NALF1: variants seen among roughly 807,000 people sequenced by gnomAD.
NALF1 encodes the protein NALCN channel auxiliary factor 1.
Under a neutral mutation model 48.4 loss-of-function variants are expected in NALF1, and 3 were observed. The observed-to-expected ratio is 0.06, with a 90% CI of 0.03 to 0.16. The LOEUF is 0.16. Ranked by LOEUF, NALF1 falls within the 10% of genes least tolerant of loss-of-function variation. The pLI, the probability that NALF1 is intolerant of heterozygous loss-of-function variation, is 1.00. For synonymous variants in NALF1, 262 were observed against 245.7 expected (o/e 1.07, Z -0.62); for missense variants, 526 against 571.5 (o/e 0.92, Z 0.81).
At chr13:107,464,667 T>C (rs776481582) in intron 1 of NALF1, among the ~76,000 whole-genome samples, 2 of 152,068 alleles carry the variant, frequency 1.3e-5, no homozygotes, top group African/African-American at 2.4e-5. Context: ...ATTACAGGCA[T>C]GAACAGCTAC....
At chr13:107,547,397 A>G (rs868589991) in intron 1 of NALF1, among the ~76,000 whole-genome samples, 10 of 152,216 alleles carry the variant, frequency 6.6e-5, no homozygotes, top group African/African-American at 2.4e-4. Context: ...GGAACTTAAG[A>G]GTCTATAATA....
intron 1 of NALF1, among the ~76,000 whole-genome samples, chr13:107,443,416 T>C (rs1566344676): frequency 6.6e-6 from 1 of 152,072 alleles, no homozygotes; most frequent in Non-Finnish European, 1.5e-5. Context: ...AGATTCTTGC[T>C]ATGTTGGCCA....
intron 1 of NALF1, among the ~76,000 whole-genome samples, chr13:107,695,768 T>A (rs1881686253): frequency 6.6e-6 from 1 of 152,192 alleles, no homozygotes; most frequent in Non-Finnish European, 1.5e-5. Context: ...CTGACACAAT[T>A]AAGCACACCT....
chr13:107,273,410 C>G (rs1228624371), intron 1 of NALF1, among the ~76,000 whole-genome samples: 1 of 152,194 alleles, frequency 6.6e-6, no homozygotes, highest in East Asian at 1.9e-4. Context: ...CATGCTTTTT[C>G]TCTTGTCATT....
chr13:107,236,369 C>T (rs180671444), intron 1 of NALF1, among the ~76,000 whole-genome samples: 19 of 152,184 alleles, frequency 1.2e-4, no homozygotes, highest in Admixed American at 7.2e-4. Flanking sequence ...TCCAGAGTAG[C>T]TGCATTTGGC....
intron 1 of NALF1, among the ~76,000 whole-genome samples, chr13:107,368,564 G>A (rs1021887622): frequency 6.6e-6 from 1 of 152,192 alleles, no homozygotes; most frequent in Non-Finnish European, 1.5e-5. Flanking sequence ...GCGTCCGGTG[G>A]TTGCAGGCAC....
At chr13:107,211,153 ACACGGAGTCC>A (rs1879753177) in intron 1 of NALF1, among the ~76,000 whole-genome samples, 1 of 152,148 alleles carries the variant, frequency 6.6e-6, no homozygotes, top group Non-Finnish European at 1.5e-5. Flanking sequence ...AGTTCCCTCC[ACACGGAGTCC>A]CACGTCTATG....
At chr13:107,233,393 A>C (rs1880268127) in intron 1 of NALF1, among the ~76,000 whole-genome samples, 1 of 152,200 alleles carries the variant, frequency 6.6e-6, no homozygotes, top group Admixed American at 6.5e-5. Flanking sequence ...TACAAGTTAA[A>C]ACAAGAAGCA....
intron 1 of NALF1, among the ~76,000 whole-genome samples, chr13:107,589,803 T>G (rs1259387229): frequency 1.3e-5 from 2 of 152,038 alleles, no homozygotes; most frequent in East Asian, 3.9e-4. Flanking sequence ...TTTTGGAATT[T>G]CCCTTGAGGC....
intron 1 of NALF1, among the ~76,000 whole-genome samples, chr13:107,252,025 C>G (rs369392102): frequency 6.6e-6 from 1 of 152,172 alleles, no homozygotes; most frequent in African/African-American, 2.4e-5. Context: ...GCCCAGCATG[C>G]AGAGGGGGAC....
chr13:107,200,971 C>T (rs1035508015), intron 2 of NALF1, among the ~76,000 whole-genome samples: 3 of 152,088 alleles, frequency 2.0e-5, no homozygotes, highest in Non-Finnish European at 2.9e-5. Flanking sequence ...CCAGGGGGAC[C>T]GAGTGAAAAT....
intron 1 of NALF1, among the ~76,000 whole-genome samples, chr13:107,668,274 T>G (rs1030490635): frequency 6.6e-6 from 1 of 152,230 alleles, no homozygotes; most frequent in Admixed American, 6.5e-5. Context: ...TTCTGAACTT[T>G]CCATCTCAAC....
Position 107,505,851 on chromosome 13 carries a change from A to T in NALF1, c.916-295096T>A, listed in dbSNP as rs1875681497. 2.0e-5 allele frequency among the ~76,000 whole-genome samples: 3 copies of T among 152,300 alleles called. No homozygotes were observed. The South Asian group carries it at 6.2e-4, about 32-fold the overall frequency. On this transcript the variant is annotated intron_variant, in intron 1 of 2. Coordinates refer to ENST00000375915, the MANE Select transcript of NALF1 (RefSeq NM_001080396.3). ...GAATTATTTTAGTCTTATTATCTCC[A>T]TTGTATGTGGAAAAATCTGTTTTCC...
At chr13:107,453,941 C>A (rs898044675) in intron 1 of NALF1, among the ~76,000 whole-genome samples, 1 of 152,174 alleles carries the variant, frequency 6.6e-6, no homozygotes, top group Non-Finnish European at 1.5e-5. Context: ...ATCTCTAGAA[C>A]AAGGGCAAAA....
At chr13:107,385,312 G>A (rs1883508686) in intron 1 of NALF1, among the ~76,000 whole-genome samples, 1 of 152,120 alleles carries the variant, frequency 6.6e-6, no homozygotes, top group East Asian at 1.9e-4. Flanking sequence ...CAGCACTTTG[G>A]GAGGCCGAGG....
At chr13:107,594,341 A>G (rs1671470058) in intron 1 of NALF1, among the ~76,000 whole-genome samples, 1 of 152,118 alleles carries the variant, frequency 6.6e-6, no homozygotes, top group African/African-American at 2.4e-5. Flanking sequence ...TAACACATAA[A>G]TAAATGCTTT....
intron 1 of NALF1, among the ~76,000 whole-genome samples, chr13:107,673,069 A>G (rs920674799): frequency 1.3e-5 from 2 of 152,114 alleles, no homozygotes; most frequent in Non-Finnish European, 2.9e-5. Flanking sequence ...ACCTATAGCA[A>G]CTACACCAAA....
chr13:107,319,599 AT>A (rs1158006512), intron 1 of NALF1, among the ~76,000 whole-genome samples: 1 of 152,146 alleles, frequency 6.6e-6, no homozygotes, highest in Non-Finnish European at 1.5e-5. Flanking sequence ...ACACATATAA[AT>A]ATTTAAGATA....
At chr13:107,809,361 T>A (rs1878915720) in intron 1 of NALF1, among the ~76,000 whole-genome samples, 1 of 152,092 alleles carries the variant, frequency 6.6e-6, no homozygotes, top group Non-Finnish European at 1.5e-5. Context: ...CCCCTCTTAG[T>A]GCCTCCCAAC....
Sources: gnomAD v4.1 joint callset for allele counts (sites outside exome capture counted in the v4.1 genomes callset) on GRCh38, gnomAD v4.1.1 for gene constraint, MANE v1.5 for transcripts, NCBI Gene and HGNC (gene_info 2026-07-23, HGNC 2026-07-21) for gene names.